RCOR3: variants seen among roughly 807,000 people sequenced by gnomAD.
RCOR3 encodes the protein REST corepressor 3.
A neutral mutation model predicts 64.1 loss-of-function variants in RCOR3; 13 were observed. The ratio of observed to expected loss-of-function variants is 0.20; its 90% CI spans 0.13 to 0.32. The LOEUF is 0.32. Among genes scored for constraint, RCOR3 ranks in the 10% least tolerant of loss-of-function variants. The pLI is 1.00. For missense variants in RCOR3, 489 were observed against 701.2 expected, an observed-to-expected ratio of 0.70 and a Z score of 3.42; for synonymous variants, 215 against 239.0, an observed-to-expected ratio of 0.90 and a Z score of 0.93.
In RCOR3 at chr1:211,259,532, C is replaced by T. The variant is rs942655543; in HGVS notation, c.-29C>T. On this transcript the variant is annotated 5_prime_UTR_variant, in exon 1 of 12. Transcript: ENST00000419091. Reference sequence around the variant, plus strand: ...CTTCACCCTGACGCCTGCCTCTTCCCCTCACCTTTCCCCCTCCCCTGTTCT... The same window carrying T: ...CTTCACCCTGACGCCTGCCTCTTCCTCTCACCTTTCCCCCTCCCCTGTTCT... The T allele has an allele frequency of 7.1e-6, 11 of 1,539,214 alleles. No homozygotes were observed. The highest frequency in any genetic ancestry group is 7.0e-5 in the African/African-American group (5 of 71,136).
chr1:211,273,464 A>G (rs1344763167), intron 3 of RCOR3, among the ~76,000 whole-genome samples: 2 of 152,362 alleles, frequency 1.3e-5, no homozygotes, highest in East Asian at 3.9e-4. Flanking sequence ...TTATACATAC[A>G]TACACATATA....
chr1:211,301,912 C>T (rs1022071269), intron 9 of RCOR3: 1 of 152,110 alleles, frequency 6.6e-6, no homozygotes, highest in East Asian at 1.9e-4. Context: ...ATGAATTGAT[C>T]AACTTTTATT....
Position 211,313,491 on chromosome 1 carries a change from C to T in RCOR3, c.1385C>T (p.Pro462Leu). 6.2e-7 allele frequency: 1 copy of T among 1,614,150 alleles called. No individual in the cohort carries two copies. The highest frequency in any genetic ancestry group is 1.3e-5 in the African/African-American group (1 of 75,026). The change falls in exon 12 of 12, where the codon CCA becomes CTA. Residue 462 changes from proline (P) to leucine (L), a missense_variant. Physicochemically the swap from Pro to Leu is moderately conservative, Grantham distance 98 (BLOSUM62 -3). Around this residue, in one of 2 missense-constraint regions of RCOR3, gnomAD observed 402 missense variants for 617.0 expected, o/e 0.65. Coordinates refer to ENST00000419091, the MANE Select transcript of RCOR3 (RefSeq NM_001136223.3). The surrounding 1 kb of genome is among the most constrained non-coding windows in gnomAD (Gnocchi z 4.7). ...CCTGCCCCATCATCCACTCCAACAC[C>T]AACAGCCCCTATTGCCACTCTGAAC... is the stretch of plus-strand genomic sequence containing the variant. ...SPPAPSSTPT[P>L]TAPIATLNQP...
chr1:211,266,256 C>G (rs960305502), intron 2 of RCOR3, among the ~76,000 whole-genome samples: 2 of 152,028 alleles, frequency 1.3e-5, no homozygotes, highest in Non-Finnish European at 2.9e-5. Context: ...TTAATATTCT[C>G]AATATTTAAG....
intron 8 of RCOR3, among the ~76,000 whole-genome samples, chr1:211,294,443 CTG>C (rs995457920): frequency 1.3e-5 from 2 of 151,996 alleles, no homozygotes; most frequent in Non-Finnish European, 2.9e-5. Context: ...TTGTGTAAAA[CTG>C]TGTTGCCATT....
chr1:211,312,814 G>A lies in RCOR3; in HGVS notation c.1170G>A (p.Arg390=), dbSNP rs762069842. ...TGAAGAACTTCTTTGTAAACTACAGGCGTCGGTTTAACTTAGAGGAGGTAT... is the reference window on the plus strand; with the variant it reads ...TGAAGAACTTCTTTGTAAACTACAGACGTCGGTTTAACTTAGAGGAGGTAT... ...GQVKNFFVNY[R]RRFNLEEVLQ... The change falls in exon 11 of 12, where the codon AGG becomes AGA. Residue 390 remains arginine (R), a synonymous_variant. Transcript: ENST00000419091. The surrounding 1 kb of genome is among the most constrained non-coding windows in gnomAD (Gnocchi z 5.0). 6.2e-7 allele frequency: 1 copy of A among 1,614,190 alleles called. No individual in the cohort carries two copies. Among genetic ancestry groups the A allele is most frequent in the South Asian group, 1.1e-5 (1 of 91,090 alleles).
intron 7 of RCOR3, among the ~76,000 whole-genome samples, chr1:211,284,256 A>G: frequency 6.6e-6 from 1 of 151,120 alleles, no homozygotes; most frequent in Admixed American, 6.6e-5. Flanking sequence ...TGTTTTTTGT[A>G]TTTTTAGTAG....
chr1:211,303,986 C>A (rs921309859), intron 9 of RCOR3, 97 bp from the exon 10 acceptor site: 8 of 659,492 alleles, frequency 1.2e-5, no homozygotes, highest in Non-Finnish European at 1.8e-5. Flanking sequence ...TTGTAGTAAT[C>A]TCATGTCTGT....
chr1:211,295,586 GT>G, intron 8 of RCOR3, 89 bp from the exon 9 acceptor site: 1 of 1,072,790 alleles, frequency 9.3e-7, no homozygotes, highest in South Asian at 1.3e-5. Context: ...TTTAAGAGGG[GT>G]TTGGAATATA....
chr1:211,259,445 C>A lies in RCOR3; in HGVS notation c.-116C>A. On this transcript the variant is annotated 5_prime_UTR_variant, in exon 1 of 12. Transcript: ENST00000419091. ...TATTAACAGCCTCCTCCTCCTCCGC[C>A]GCCGCCGCCGTCTCCTCCTCCTCCT... is the stretch of plus-strand genomic sequence containing the variant. 9.3e-7 allele frequency: 1 copy of A among 1,077,602 alleles called. No individual in the cohort carries two copies. The highest frequency in any genetic ancestry group is 1.7e-5 in the African/African-American group (1 of 58,906). The allele number at this position is 1,077,602 out of a possible 1,614,324, so 66.8% of individuals were successfully genotyped here.
At chr1:211,310,592 A>G (rs1204851694) in intron 10 of RCOR3, among the ~76,000 whole-genome samples, 1 of 152,208 alleles carries the variant, frequency 6.6e-6, no homozygotes, top group Admixed American at 6.5e-5. Flanking sequence ...TTTTGAGTTT[A>G]AGGTGTATAA....
rs1697436161 is a variant in RCOR3, at chr1:211,279,238, T to C, written c.642T>C (p.Ser214=). 1 of 1,593,614 alleles carries C rather than the reference T, an allele frequency of 6.3e-7. No homozygotes were observed. Among genetic ancestry groups the C allele is most frequent in the Non-Finnish European group, 8.5e-7 (1 of 1,170,826 alleles). ...KLANRHNQGD[S]DDDVEETHPM... ...TGTACTAATTTTTGTTTCTTCTCAG[T>C]GATGATGATGTAGAAGAAACACATC... The change falls in exon 7 of 12, where the codon AGT becomes AGC. Residue 214 remains serine (S), a splice_region_variant and synonymous_variant. Transcript: ENST00000419091.
At chr1:211,269,634 A>G (rs1239408558) in intron 2 of RCOR3, among the ~76,000 whole-genome samples, 1 of 152,164 alleles carries the variant, frequency 6.6e-6, no homozygotes, top group Non-Finnish European at 1.5e-5. Context: ...ATTTGTTGGT[A>G]GTTTTAATGA....
At chr1:211,282,916 T>C (rs149283377) in intron 7 of RCOR3, among the ~76,000 whole-genome samples, 1 of 152,368 alleles carries the variant, frequency 6.6e-6, no homozygotes, top group East Asian at 1.9e-4. Context: ...ATGATATGAT[T>C]ATCATTTAGT....
intron 2 of RCOR3, 76 bp from the exon 3 acceptor site, chr1:211,271,156 C>T (rs963255725): frequency 3.0e-6 from 4 of 1,345,090 alleles, no homozygotes; most frequent in Non-Finnish European, 3.2e-6. Flanking sequence ...CGTGCCTGGG[C>T]AGCTTACTTT....
At chr1:211,308,664 TTTTTTTTTGTTTTTTTTTTG>T (rs1558111198) in intron 10 of RCOR3, among the ~76,000 whole-genome samples, 3 of 25,714 alleles carry the variant, frequency 1.2e-4, no homozygotes, top group South Asian at 1.8e-3. Context: ...TGGATGTGTT[TTTTTTTTTGTTTTTTTTTTG>T]TTTTTTTTTT....
At chr1:211,260,755 G>T (rs552241562) in intron 2 of RCOR3, among the ~76,000 whole-genome samples, 4 of 152,194 alleles carry the variant, frequency 2.6e-5, no homozygotes, top group East Asian at 1.9e-4. Flanking sequence ...GTGGGGGAAG[G>T]GGGTGGGGAG....
intron 7 of RCOR3, among the ~76,000 whole-genome samples, chr1:211,288,019 G>A (rs1698763354): frequency 6.6e-6 from 1 of 151,996 alleles, no homozygotes; most frequent in Non-Finnish European, 1.5e-5. Flanking sequence ...AGACCAGCCT[G>A]GGCAACATGG....
Position 211,316,347 on chromosome 1 carries a change from GTAAAA to G in RCOR3, c.*2582_*2586del, listed in dbSNP as rs1701863633. ...ATGTTCTTAATAAGCTTGCAATTGAGTAAAATAGAATATAAAATAAAGGTGAAATA... is the reference window on the plus strand; with the variant it reads ...ATGTTCTTAATAAGCTTGCAATTGAGTAGAATATAAAATAAAGGTGAAATA... On this transcript the variant is annotated 3_prime_UTR_variant, in exon 12 of 12. Transcript: ENST00000419091. 1 of 152,078 alleles carries G rather than the reference GTAAAA, an allele frequency of 6.6e-6. No homozygotes were observed. The highest frequency in any genetic ancestry group is 2.4e-5 in the African/African-American group (1 of 41,406). 9.4% of individuals were successfully genotyped at this position (152,078 alleles called of 1,614,324 possible).
Sources: gnomAD v4.1 joint callset for allele counts (sites outside exome capture counted in the v4.1 genomes callset) on GRCh38, gnomAD v4.1.1 for gene constraint, gnomAD v4.1.1 regional missense constraint, Gnocchi (gnomAD v3.1) non-coding constraint, MANE v1.5 for transcripts, NCBI Gene and HGNC (gene_info 2026-07-23, HGNC 2026-07-21) for gene names.